NLRC5: variants seen among roughly 807,000 people sequenced by gnomAD.
NLRC5 encodes the protein NLR family CARD domain containing 5.
A neutral mutation model predicts 206.9 loss-of-function variants in NLRC5; 114 were observed. That is an observed-to-expected ratio of 0.55 (90% CI 0.47 to 0.64). NLRC5 has a LOEUF of 0.64. Ranked by LOEUF, NLRC5 falls within the 30% of genes least tolerant of loss-of-function variation. The pLI, the probability that NLRC5 is intolerant of heterozygous loss-of-function variation, is 0.00. For synonymous variants in NLRC5, 952 were observed against 962.8 expected (o/e 0.99, Z 0.21); for missense variants, 2,008 against 2,305.5 (o/e 0.87, Z 2.64).
At position 57,061,669 on chromosome 16, in the gene NLRC5, G is replaced by T. The variant is rs1299427954; in HGVS notation, c.4122G>T (p.Leu1374Phe). 1 of 1,609,554 alleles carries T rather than the reference G, an allele frequency of 6.2e-7. No individual in the cohort carries two copies. The highest frequency in any genetic ancestry group is 8.5e-7 in the Non-Finnish European group (1 of 1,179,192). ...AGCAGCTGGCCATCCTCCTGAGCTT[G>T]GTGGGGCGACCCGCAGGGCTGTTCA... ...GQKQLAILLS[L>F]VGRPAGLFSL... The change falls in exon 32 of 49, where the codon TTG (leucine) becomes TTT (phenylalanine). Residue 1374 changes from leucine (L) to phenylalanine (F), a missense_variant. Leu to Phe is a conservative substitution (Grantham distance 22). Coordinates refer to ENST00000688547, the MANE Select transcript of NLRC5 (RefSeq NM_001384950.1).
intron 35 of NLRC5, 92 bp from the exon 36 acceptor site, chr16:57,067,644 C>T (rs1385165086): frequency 5.7e-6 from 8 of 1,408,794 alleles, no homozygotes; most frequent in Admixed American, 1.7e-5. Flanking sequence ...TTGGGTGGCC[C>T]CTTCTCCTCT....
rs560617140 is a variant in NLRC5, at chr16:57,068,843, G to A, written c.4500-993G>A. Among the ~76,000 whole-genome samples the A allele has an allele frequency of 4.6e-5, 7 of 152,274 alleles. No individual in the cohort carries two copies. The South Asian group carries it at 1.5e-3, about 32-fold the overall frequency. On this transcript the variant is annotated intron_variant, in intron 36 of 48. Coordinates refer to ENST00000688547, the MANE Select transcript of NLRC5 (RefSeq NM_001384950.1). ...TCCTTCAATCTGGAACACGTCCTTG[G>A]CCCTTCTTTGTCTTTCATAGCATTG...
At position 56,989,611 on chromosome 16, in the gene NLRC5, T is replaced by A. The variant is rs1348950623; in HGVS notation, c.-134T>A. 6.5e-6 allele frequency: 1 copy of A among 153,164 alleles called. No homozygotes were observed. Among genetic ancestry groups the A allele is most frequent in the Non-Finnish European group, 1.4e-5 (1 of 68,988 alleles). The allele number at this position is 153,164 out of a possible 1,614,324, so 9.5% of individuals were successfully genotyped here. ...AGCGCTGAGGGTGAGTGCCGGGAGC[T>A]CTGAGGGTGAGTGCCGGGCGTGCCG... On this transcript the variant is annotated 5_prime_UTR_variant, in exon 1 of 49. Coordinates refer to ENST00000688547, the MANE Select transcript of NLRC5 (RefSeq NM_001384950.1).
chr16:57,058,322 T>A, intron 28 of NLRC5, 174 bp downstream of exon 28: 1 of 601,122 alleles, frequency 1.7e-6, no homozygotes, highest in Non-Finnish European at 3.0e-6. Flanking sequence ...GGTCCTTTCC[T>A]CTGTCCCTCA....
In NLRC5 at chr16:57,083,243, G is replaced by A. The variant is rs1309042721; in HGVS notation, c.*715G>A. ...TGACTCCTCCCTTACTTACATACTA[G>A]CTTCCAAGGACAGGTGGAGGTAGGG... On this transcript the variant is annotated 3_prime_UTR_variant, in exon 49 of 49. Transcript: ENST00000688547. The A allele has an allele frequency of 1.3e-5, 2 of 152,274 alleles. No individual in the cohort carries two copies. Among genetic ancestry groups the A allele is most frequent in the Non-Finnish European group, 2.9e-5 (2 of 68,114 alleles). 9.4% of individuals were successfully genotyped at this position (152,274 alleles called of 1,614,324 possible).
At chr16:57,001,112 T>C (rs1044558592) in intron 1 of NLRC5, among the ~76,000 whole-genome samples, 15 of 152,208 alleles carry the variant, frequency 9.9e-5, no homozygotes, top group African/African-American at 3.6e-4. Flanking sequence ...CGCTGGGTTC[T>C]CTGTGTCCCC....
intron 8 of NLRC5, 117 bp downstream of exon 8, chr16:57,028,502 C>T: frequency 1.3e-6 from 1 of 780,554 alleles, no homozygotes; most frequent in South Asian, 1.6e-5. Flanking sequence ...TCAGTGAGAC[C>T]CAGAGAGGGA....
intron 27 of NLRC5, 57 bp downstream of exon 27, chr16:57,055,576 T>A: frequency 7.0e-7 from 1 of 1,420,576 alleles, no homozygotes; most frequent in Non-Finnish European, 9.9e-7. Context: ...TGAGGGGCAC[T>A]GAAGGGGGTA....
At chr16:56,996,473 T>C (rs1325771807) in intron 1 of NLRC5, among the ~76,000 whole-genome samples, 1 of 151,990 alleles carries the variant, frequency 6.6e-6, no homozygotes, top group Non-Finnish European at 1.5e-5. Context: ...GGTGTGAGCC[T>C]CCATGCCCCA....
At chr16:57,003,025 C>T (rs186900501) in intron 1 of NLRC5, among the ~76,000 whole-genome samples, 87 of 151,190 alleles carry the variant, frequency 5.8e-4, no homozygotes, top group Non-Finnish European at 2.2e-4. Context: ...ATGAGGTCTC[C>T]CTTTTCTCCA....
chr16:57,065,735 GTCTC>G (rs1358235949), intron 33 of NLRC5, among the ~76,000 whole-genome samples: 1 of 152,210 alleles, frequency 6.6e-6, no homozygotes, highest in Non-Finnish European at 1.5e-5. Flanking sequence ...CCATTACTGT[GTCTC>G]TCTGACCTCA....
At chr16:57,029,500 G>T (rs1204946533) in intron 8 of NLRC5, among the ~76,000 whole-genome samples, 1 of 152,172 alleles carries the variant, frequency 6.6e-6, no homozygotes, top group East Asian at 1.9e-4. Flanking sequence ...TCCTCATTGT[G>T]CCTCATGAAG....
rs765608162 is a variant in NLRC5, at chr16:57,030,046, G to A, written c.2379G>A (p.Val793=). The change falls in exon 10 of 49, where the codon GTG becomes GTA. Residue 793 remains valine (V), a synonymous_variant. Coordinates refer to ENST00000688547, the MANE Select transcript of NLRC5 (RefSeq NM_001384950.1). ...CVSTLLCLAR[V]AVTCPTVRML... The stretch of plus-strand genomic sequence containing the variant: ...CAACCCTACTCTGCTTGGCAAGGGT[G>A]GCAGTCACGTGTCCTACCGTCAGGA... 3.1e-6 allele frequency: 5 copies of A among 1,614,136 alleles called. No homozygotes were observed. The highest frequency in any genetic ancestry group is 1.7e-5 in the Admixed American group (1 of 60,016).
chr16:57,021,163 T>C, intron 3 of NLRC5, 156 bp downstream of exon 3: 2 of 666,476 alleles, frequency 3.0e-6, no homozygotes, highest in East Asian at 5.5e-5. Context: ...ACAAATTTCC[T>C]AATGCGCCCA....
At chr16:57,007,255 C>T (rs150463479) in intron 1 of NLRC5, among the ~76,000 whole-genome samples, 1 of 152,230 alleles carries the variant, frequency 6.6e-6, no homozygotes, top group African/African-American at 2.4e-5. Context: ...AAAATATACA[C>T]ACTCCACGTC....
At chr16:57,081,711 G>A in intron 48 of NLRC5, 101 bp downstream of exon 48, 1 of 1,005,604 alleles carries the variant, frequency 9.9e-7, no homozygotes, top group Non-Finnish European at 1.5e-6. Flanking sequence ...CTGGGCTGGG[G>A]ATTATCAAAG....
chr16:56,994,154 G>C (rs1177009783), intron 1 of NLRC5, among the ~76,000 whole-genome samples: 2 of 150,052 alleles, frequency 1.3e-5, no homozygotes, highest in East Asian at 4.0e-4. Flanking sequence ...CATGGTGTAT[G>C]TGTATGGGGC....
rs1363935445 is a variant in NLRC5 at position 57,076,901 on chromosome 16, G to A, written c.4834G>A (p.Asp1612Asn). Residue 1612 changes from aspartate (D) to asparagine (N), a missense_variant and splice_region_variant, in exon 40 of 49, where the codon GAC becomes AAC. Asp to Asn is a conservative substitution (Grantham distance 23). Coordinates refer to ENST00000688547, the MANE Select transcript of NLRC5 (RefSeq NM_001384950.1). ...LRAATSLEEL[D>N]LSHNQIGDAG... ...GGCTGCCACCAGCCTAGAGGAGCTG[G>A]AGTGAGTTGCCCATTCTGCCCCCAG... is the stretch of plus-strand genomic sequence containing the variant. 1 of 1,613,748 alleles carries A rather than the reference G, an allele frequency of 6.2e-7. No homozygotes were observed. The highest frequency in any genetic ancestry group is 8.5e-7 in the Non-Finnish European group (1 of 1,179,942).
chr16:57,044,675 G>A (rs1049254041), intron 20 of NLRC5, among the ~76,000 whole-genome samples: 22 of 152,176 alleles, frequency 1.4e-4, no homozygotes, highest in Non-Finnish European at 1.3e-4. Flanking sequence ...CACTTTGGGA[G>A]GCCAAGACAG....
Sources: gnomAD v4.1 joint callset for allele counts (sites outside exome capture counted in the v4.1 genomes callset) on GRCh38, gnomAD v4.1.1 for gene constraint, MANE v1.5 for transcripts, NCBI Gene and HGNC (gene_info 2026-07-23, HGNC 2026-07-21) for gene names.